The following CFAP70 variants were observed in gnomAD, a reference collection of about 807,000 sequenced individuals.
CFAP70 encodes cilia and flagella associated protein 70.
Under a neutral mutation model 137.6 loss-of-function variants are expected in CFAP70, and 81 were observed. That is an observed-to-expected ratio of 0.59 (90% confidence interval 0.49 to 0.71). The LOEUF is 0.71. Among genes scored for constraint, CFAP70 ranks in the 30% least tolerant of loss-of-function variants. The pLI, the probability that CFAP70 is intolerant of heterozygous loss-of-function variation, is 0.00. For missense variants in CFAP70, 976 were observed against 1,226.7 expected (o/e 0.80, Z 3.05); for synonymous variants, 382 against 423.6 (o/e 0.90, Z 1.20).
At chr10:73,356,684 A>G (rs1188894019) in intron 1 of CFAP70, among the ~76,000 whole-genome samples, 2 of 152,194 alleles carry the variant, frequency 1.3e-5, no homozygotes, top group East Asian at 1.9e-4. Flanking sequence ...GTTCAACAAC[A>G]TATTTCTGGG....
intron 9 of CFAP70, 98 bp downstream of exon 10, chr10:73,322,865 C>G: frequency 1.9e-6 from 2 of 1,041,458 alleles, no homozygotes; most frequent in Non-Finnish European, 2.7e-6. Context: ...CCAACTGGTT[C>G]TAAATATCAG....
At chr10:73,293,827 A>T (rs183008825) in intron 15 of CFAP70, 1 of 152,938 alleles carries the variant, frequency 6.5e-6, no homozygotes, top group Admixed American at 6.5e-5. Context: ...CAGGAGATTA[A>T]GGGTAAACCT....
intron 9 of CFAP70, among the ~76,000 whole-genome samples, 178 bp downstream of exon 10, chr10:73,322,785 T>C (rs1270228961): frequency 6.6e-6 from 1 of 152,186 alleles, no homozygotes; most frequent in Non-Finnish European, 1.5e-5. Context: ...TTTTGTCCTT[T>C]CATTATCCTA....
intron 9 of CFAP70, among the ~76,000 whole-genome samples, chr10:73,321,589 T>C (rs2050855310): frequency 6.6e-6 from 1 of 152,110 alleles, no homozygotes; most frequent in African/African-American, 2.4e-5. Context: ...TTTGTTATTG[T>C]TGTGTGTTTT....
chr10:73,304,041 G>A (rs138973152), intron 12 of CFAP70, among the ~76,000 whole-genome samples: 2 of 151,658 alleles, frequency 1.3e-5, no homozygotes, highest in East Asian at 1.9e-4. Flanking sequence ...CTTTTATTTT[G>A]TATGTCATTT....
chr10:73,324,647 T>G (rs1041655596), intron 8 of CFAP70, among the ~76,000 whole-genome samples: 2 of 152,088 alleles, frequency 1.3e-5, no homozygotes, highest in African/African-American at 4.8e-5. Flanking sequence ...TTAAAGGAGC[T>G]GATGGAGCTG....
At chr10:73,335,567 A>C in intron 6 of CFAP70, 43 bp from the exon 8 acceptor site, 1 of 1,435,310 alleles carries the variant, frequency 7.0e-7, no homozygotes, top group African/African-American at 1.4e-5. Context: ...GTGTGCCATG[A>C]CTTCATTCTG....
intron 12 of CFAP70, among the ~76,000 whole-genome samples, chr10:73,302,397 C>A (rs1165575191): frequency 6.6e-6 from 1 of 152,046 alleles, no homozygotes; most frequent in East Asian, 1.9e-4. Flanking sequence ...CAAAATGACC[C>A]CAAGAACACA....
chr10:73,256,406 T>A, exon 26 of CFAP70: 1 of 1,614,072 alleles, frequency 6.2e-7, no homozygotes, highest in Middle Eastern at 1.6e-4. Flanking sequence ...AGCTTCTAAT[T>A]GCCGTCCAAC....
At position 73,322,949 on chromosome 10, in the gene CFAP70, C is replaced by A; in HGVS notation, c.912+14G>T. 6.4e-7 allele frequency: 1 copy of A among 1,571,636 alleles called. No homozygotes were observed. The highest frequency in any genetic ancestry group is 8.6e-7 in the Non-Finnish European group (1 of 1,163,376). ...ATAAATTACCATGATGATTTTTATG[C>A]AATTTTTTCTTACCTTTTCATGGAC... On this transcript the variant is annotated intron_variant, in intron 9 of 26. Coordinates refer to ENST00000310715, the Ensembl canonical transcript of CFAP70.
Position 73,324,106 on chromosome 10 carries a change from C to T in CFAP70, c.778-1009G>A, listed in dbSNP as rs537741275. Among the ~76,000 whole-genome samples the T allele has an allele frequency of 1.9e-3, 288 of 152,312 alleles. 2 individuals are homozygous for T. Among genetic ancestry groups the T allele is most frequent in the African/African-American group, 6.5e-3 (272 of 41,582 alleles). ...CCCCCTAGTAGGGGCAGACTGACAC[C>T]TCACACTGCCGGGTACTCCTCTGAG... is the stretch of plus-strand genomic sequence containing the variant. On this transcript the variant is annotated intron_variant, in intron 8 of 26. Transcript: ENST00000310715.
rs1029399712 is a variant in CFAP70 at position 73,274,656 on chromosome 10, T to G, written c.2674-62A>C. The stretch of plus-strand genomic sequence containing the variant: ...GTAGTATTTAAAAGTACCTTGATGA[T>G]CTTTGTTTAACATTTAAATTTAGAT... On this transcript the variant is annotated intron_variant, in intron 22 of 26. Coordinates refer to ENST00000310715, the Ensembl canonical transcript of CFAP70. The G allele has an allele frequency of 7.9e-6, 11 of 1,394,388 alleles. No homozygotes were observed. The African/African-American group carries it at 1.6e-4, about 21-fold the overall frequency. 86.4% of individuals were successfully genotyped at this position (1,394,388 alleles called of 1,614,324 possible).
chr10:73,268,746 T>C lies in CFAP70; in HGVS notation c.3027+868A>G, dbSNP rs543545974. ...TCTCACTCTGTCACCCAGGTTGGAG[T>C]GCAGTGGCACAATCTCAGCACCCTG... On this transcript the variant is annotated intron_variant, in intron 25 of 26. Coordinates refer to ENST00000310715, the Ensembl canonical transcript of CFAP70. Among the ~76,000 whole-genome samples the C allele has an allele frequency of 4.6e-5, 7 of 151,900 alleles. No individual in the cohort carries two copies. The South Asian group carries it at 1.5e-3, about 32-fold the overall frequency.
chr10:73,298,837 T>A, intron 14 of CFAP70, 70 bp downstream of exon 15: 1 of 1,383,770 alleles, frequency 7.2e-7, no homozygotes, highest in South Asian at 1.2e-5. Context: ...GAGGAGAAAA[T>A]GTGATGTGGG....
intron 6 of CFAP70, among the ~76,000 whole-genome samples, chr10:73,336,477 A>C (rs191458489): frequency 6.6e-6 from 1 of 152,268 alleles, no homozygotes; most frequent in African/African-American, 2.4e-5. Context: ...ACAATGAAAA[A>C]TAATTCAACC....
chr10:73,358,187 A>G (rs1446592395), intron 1 of CFAP70, among the ~76,000 whole-genome samples: 1 of 152,254 alleles, frequency 6.6e-6, no homozygotes, highest in African/African-American at 2.4e-5. Flanking sequence ...GAAGGCATGT[A>G]ACCTGTCTCA....
chr10:73,325,605 G>T (rs1443492959), intron 8 of CFAP70, among the ~76,000 whole-genome samples: 1 of 151,748 alleles, frequency 6.6e-6, no homozygotes, highest in Admixed American at 6.6e-5. Flanking sequence ...TCACGTGCAG[G>T]GACACACATA....
rs577128982 is a variant in CFAP70, at chr10:73,256,529, A to G, written c.3028-113T>C. 7.9e-6 allele frequency: 8 copies of G among 1,011,762 alleles called. No individual in the cohort carries two copies. The East Asian group carries it at 1.7e-4, about 22-fold the overall frequency. The allele number at this position is 1,011,762 out of a possible 1,614,324, so 62.7% of individuals were successfully genotyped here. On this transcript the variant is annotated intron_variant, in intron 25 of 26. Transcript: ENST00000310715. Reference sequence around the variant, plus strand: ...CTACACCTAAGGCAGAGGCTTCTACACCTTCCAGTTAAGAACTTCTGAATT... The same window carrying G: ...CTACACCTAAGGCAGAGGCTTCTACGCCTTCCAGTTAAGAACTTCTGAATT...
At chr10:73,313,204 C>T (rs1284814830) in intron 9 of CFAP70, among the ~76,000 whole-genome samples, 10 of 151,682 alleles carry the variant, frequency 6.6e-5, no homozygotes, top group African/African-American at 2.4e-4. Flanking sequence ...AACCACGTCT[C>T]TACTAAAAAT....
Sources: gnomAD v4.1 joint callset for allele counts (sites outside exome capture counted in the v4.1 genomes callset) on GRCh38, gnomAD v4.1.1 for gene constraint, MANE v1.5 for transcripts, NCBI Gene and HGNC (gene_info 2026-07-23, HGNC 2026-07-21) for gene names.